The following TAF11 variants were observed in gnomAD, a reference collection of about 807,000 sequenced individuals.
TAF11 encodes the protein TATA-box binding protein associated factor 11, also known as transcription initiation factor TFIID subunit 11.
A neutral mutation model predicts 23.0 loss-of-function variants in TAF11; 10 were observed. The ratio of observed to expected loss-of-function variants is 0.43; its 90% confidence interval spans 0.27 to 0.74. TAF11 has a LOEUF of 0.74. Ranked by LOEUF, TAF11 falls within the 30% of genes least tolerant of loss-of-function variation. The probability of loss-of-function intolerance (pLI) is 0.19; values close to 1 mark genes in which losing one functional copy is unlikely to be tolerated. For missense variants in TAF11, 196 were observed against 261.7 expected (o/e 0.75, Z 1.73); for synonymous variants, 85 against 95.8 (o/e 0.89, Z 0.66).
chr6:34,879,876 A>G, intron 4 of TAF11, 91 bp downstream of exon 4: 3 of 1,516,672 alleles, frequency 2.0e-6, no homozygotes, highest in Non-Finnish European at 2.7e-6. Flanking sequence ...GAGAACTCCC[A>G]TAGGTGCTTT....
chr6:34,880,444 A>C lies in TAF11; in HGVS notation c.321-68T>G, dbSNP rs988117514. 7.3e-6 allele frequency: 11 copies of C among 1,498,592 alleles called. No individual in the cohort carries two copies. The highest frequency in any genetic ancestry group is 8.3e-6 in the Non-Finnish European group (9 of 1,086,674). 92.8% of individuals were successfully genotyped at this position (1,498,592 alleles called of 1,614,324 possible). On this transcript the variant is annotated intron_variant, in intron 2 of 4. Coordinates refer to ENST00000361288, the MANE Select transcript of TAF11 (RefSeq NM_005643.4). This position sits in a 1 kb window ranked among gnomAD's most constrained non-coding sequence, Gnocchi z 4.8. ...ATACTCAAGATATTATGAAGTCAAT[A>C]AAAGTTTCAGACAATTCAAAAACGA...
chr6:34,886,460 C>T (rs1766527260), intron 1 of TAF11, among the ~76,000 whole-genome samples: 1 of 151,760 alleles, frequency 6.6e-6, no homozygotes, highest in Non-Finnish European at 1.5e-5. Flanking sequence ...TTTCCTTTTT[C>T]TTTCTTTTCT....
chr6:34,888,013 G>C lies in TAF11; in HGVS notation c.-56C>G. 6.2e-7 allele frequency: 1 copy of C among 1,606,544 alleles called. No homozygotes were observed. Among genetic ancestry groups the C allele is most frequent in the Non-Finnish European group, 8.5e-7 (1 of 1,176,266 alleles). ...GCGGAGATGCCTGAGGCAGAAGCTC[G>C]GAAACCCGAGCTGCACAGGCCAGGA... On this transcript the variant is annotated 5_prime_UTR_variant, in exon 1 of 5. Transcript: ENST00000361288.
In TAF11 at chr6:34,887,862, G is replaced by A. The variant is rs1766565789; in HGVS notation, c.96C>T (p.Asp32=). The change falls in exon 1 of 5, where the codon GAC becomes GAT. Residue 32 remains aspartate (D), a synonymous_variant. Coordinates refer to ENST00000361288, the MANE Select transcript of TAF11 (RefSeq NM_005643.4). ...CAGTTTCCTCTGGGATTCCATCGGT[G>A]TCGGTAGCCCCCGGGTCCCCGGGCA... ...AAVPGDPGAT[D]TDGIPEETDG... 6.2e-7 allele frequency: 1 copy of A among 1,614,080 alleles called. No homozygotes were observed. The highest frequency in any genetic ancestry group is 1.3e-5 in the African/African-American group (1 of 74,920).
In TAF11 at chr6:34,880,050, A is replaced by G. The variant is rs1432026682; in HGVS notation, c.422T>C (p.Ile141Thr). The change falls in exon 4 of 5, where the codon ATC becomes ACC. Residue 141 changes from isoleucine (I) to threonine (T), a missense_variant. Coordinates refer to ENST00000361288, the MANE Select transcript of TAF11 (RefSeq NM_005643.4). The surrounding 1 kb of genome is among the most constrained non-coding windows in gnomAD (Gnocchi z 4.8). Reference sequence around the variant, plus strand: ...ATTCTGAGACACAGAGGTGCCAGTGATGGACTGGATCAGCTTGAAAGAAGC... The same window carrying G: ...ATTCTGAGACACAGAGGTGCCAGTGGTGGACTGGATCAGCTTGAAAGAAGC... ...KAAIKRLIQSITGTSVSQNVV... is the reference protein window; with the variant it reads ...KAAIKRLIQSTTGTSVSQNVV... The G allele has an allele frequency of 6.2e-7, 1 of 1,614,032 alleles. No homozygotes were observed. Among genetic ancestry groups the G allele is most frequent in the Non-Finnish European group, 8.5e-7 (1 of 1,180,008 alleles).
chr6:34,878,099 T>TAA lies in TAF11; in HGVS notation c.*489_*490dup, dbSNP rs1238300829. ...ACCCCATCTCCATAAAAAATAAAAA[T>TAA]AAGTTAGCTGGGCACAGTAGTGTGT... On this transcript the variant is annotated 3_prime_UTR_variant, in exon 5 of 5. Transcript: ENST00000361288. The TAA allele has an allele frequency of 1.3e-5, 2 of 152,212 alleles. No individual in the cohort carries two copies. Among genetic ancestry groups the TAA allele is most frequent in the African/African-American group, 2.4e-5 (1 of 41,296 alleles). 9.4% of individuals were successfully genotyped at this position (152,212 alleles called of 1,614,324 possible). A position where few individuals can be genotyped will look rare whatever the true frequency, so the allele number is the denominator to read the frequency against.
At chr6:34,886,399 CAA>C (rs113537892) in intron 1 of TAF11, among the ~76,000 whole-genome samples, 15 of 91,318 alleles carry the variant, frequency 1.6e-4, no homozygotes, top group East Asian at 1.6e-3. Flanking sequence ...AAACAAAAAA[CAA>C]AAAACAAACA....
rs533375489 is a variant in TAF11 at position 34,878,416 on chromosome 6, A to G, written c.*174T>C. On this transcript the variant is annotated 3_prime_UTR_variant, in exon 5 of 5. Transcript: ENST00000361288. ...CAAAATTTAGTCAAGGCAAGTATCA[A>G]TCAGGCTACATACTTTCTAGGTGTG... The G allele has an allele frequency of 2.4e-5, 14 of 589,946 alleles. No homozygotes were observed. Among genetic ancestry groups the G allele is most frequent in the South Asian group, 1.3e-4 (6 of 44,804 alleles). The allele number at this position is 589,946 out of a possible 1,614,324, so 36.5% of individuals were successfully genotyped here.
In TAF11 at chr6:34,877,898, C is replaced by A. The variant is rs1050382930; in HGVS notation, c.*692G>T. The A allele has an allele frequency of 6.6e-6, 1 of 152,152 alleles. No homozygotes were observed. Among genetic ancestry groups the A allele is most frequent in the Non-Finnish European group, 1.5e-5 (1 of 68,042 alleles). The allele number at this position is 152,152 out of a possible 1,614,324, so 9.4% of individuals were successfully genotyped here. On this transcript the variant is annotated 3_prime_UTR_variant, in exon 5 of 5. Coordinates refer to ENST00000361288, the MANE Select transcript of TAF11 (RefSeq NM_005643.4). ...CCGCATCCTTCATGGTAGAGTATCA[C>A]AAGTAAAAGTTTCTGGTTGTTTCAT...
At chr6:34,881,346 G>A (rs1010514804) in intron 2 of TAF11, among the ~76,000 whole-genome samples, 6 of 152,132 alleles carry the variant, frequency 3.9e-5, no homozygotes, top group African/African-American at 1.4e-4. Flanking sequence ...CTTTGAAAAG[G>A]TACATACCCA....
At chr6:34,886,288 CAACA>C (rs897140813) in intron 1 of TAF11, among the ~76,000 whole-genome samples, 3 of 150,244 alleles carry the variant, frequency 2.0e-5, no homozygotes, top group Non-Finnish European at 3.0e-5. Flanking sequence ...GACCTTGTCT[CAACA>C]AACAAAAACT....
chr6:34,878,256 C>A lies in TAF11; in HGVS notation c.*334G>T. ...GACCCTATCTCAAACAAAACGAAACCAAAACAAAACAAAACTCTCTTGGAA... is the reference window on the plus strand; with the variant it reads ...GACCCTATCTCAAACAAAACGAAACAAAAACAAAACAAAACTCTCTTGGAA... On this transcript the variant is annotated 3_prime_UTR_variant, in exon 5 of 5. Coordinates refer to ENST00000361288, the MANE Select transcript of TAF11 (RefSeq NM_005643.4). 4.3e-6 allele frequency: 1 copy of A among 230,652 alleles called. No homozygotes were observed. Among genetic ancestry groups the A allele is most frequent in the Non-Finnish European group, 8.6e-6 (1 of 116,424 alleles). 14.3% of individuals were successfully genotyped at this position (230,652 alleles called of 1,614,324 possible).
At chr6:34,884,932 A>T (rs1010579080) in intron 1 of TAF11, among the ~76,000 whole-genome samples, 3 of 152,138 alleles carry the variant, frequency 2.0e-5, no homozygotes, top group Non-Finnish European at 4.4e-5. Flanking sequence ...AACTTTAAAG[A>T]TCTCCATATT....
intron 1 of TAF11, among the ~76,000 whole-genome samples, chr6:34,886,534 C>T (rs1192507835): frequency 3.3e-5 from 5 of 151,424 alleles, no homozygotes; most frequent in African/African-American, 1.2e-4. Context: ...GGTGCGATCT[C>T]GGCTCACTGC....
At position 34,883,004 on chromosome 6, in the gene TAF11, T is replaced by G. The variant is rs1480438013; in HGVS notation, c.248A>C (p.Lys83Thr). ...DSSLLNPAAK[K>T]LKIDTKEKKE... ...CTTTTCTTTGGTATCTATTTTCAGT[T>G]TTTTGGCTGCAGGATTAAGTAATGA... Residue 83 changes from lysine (K) to threonine (T), a missense_variant, in exon 2 of 5, where the codon AAA (lysine) becomes ACA (threonine). Coordinates refer to ENST00000361288, the MANE Select transcript of TAF11 (RefSeq NM_005643.4). The G allele has an allele frequency of 1.2e-6, 2 of 1,612,168 alleles. No homozygotes were observed. The highest frequency in any genetic ancestry group is 2.2e-5 in the South Asian group (2 of 90,134).
intron 1 of TAF11, 121 bp downstream of exon 1, chr6:34,887,666 G>A: frequency 8.2e-7 from 1 of 1,225,482 alleles, no homozygotes; most frequent in South Asian, 1.3e-5. Context: ...TAACGATCTG[G>A]AGGGAATTCT....
Position 34,887,931 on chromosome 6 carries a change from G to C in TAF11, c.27C>G (p.Ser9=). The C allele has an allele frequency of 1.2e-6, 2 of 1,614,144 alleles. No homozygotes were observed. Among genetic ancestry groups the C allele is most frequent in the Non-Finnish European group, 1.7e-6 (2 of 1,180,034 alleles). The stretch of plus-strand genomic sequence containing the variant: ...ACTCCCCTGTCTCTCCACCTTTGTC[G>C]GAGGGCGACTCGTGGGCATCGTCCA... The part of the protein sequence containing the change: MDDAHESP[S]DKGGETGESD... Residue 9 remains serine, a synonymous_variant, in exon 1 of 5, where the codon TCC becomes TCG. Transcript: ENST00000361288.
upstream of TAF11, chr6:34,888,047 C>T (rs927494602): frequency 5.8e-5 from 90 of 1,553,258 alleles, no homozygotes; most frequent in Non-Finnish European, 7.2e-5. Context: ...GATCTTACTT[C>T]CTGTCGTCGC....
rs571401550 is a variant in TAF11 at position 34,886,412 on chromosome 6, A to C, written c.171+1375T>G. On this transcript the variant is annotated intron_variant, in intron 1 of 4. Transcript: ENST00000361288. ...AAAAACAAAAAACAAAAAACAAACA[A>C]AAAACCTGCCTTAAAATACTTTTGT... Among the ~76,000 whole-genome samples the C allele has an allele frequency of 6.6e-5, 10 of 151,894 alleles. No individual in the cohort carries two copies. The South Asian group carries it at 2.1e-3, about 32-fold the overall frequency.
Sources: gnomAD v4.1 joint callset for allele counts (sites outside exome capture counted in the v4.1 genomes callset) on GRCh38, gnomAD v4.1.1 for gene constraint, Gnocchi (gnomAD v3.1) non-coding constraint, MANE v1.5 for transcripts, NCBI Gene and HGNC (gene_info 2026-07-23, HGNC 2026-07-21) for gene names.